PRKCA: variants seen among roughly 807,000 people sequenced by gnomAD.
PRKCA encodes the protein protein kinase C alpha type.
PRKCA carries 27 observed loss-of-function variants against 87.0 expected under a neutral mutation model. The observed-to-expected ratio is 0.31, with a 90% CI of 0.23 to 0.43. The LOEUF (loss-of-function observed/expected upper bound fraction) is 0.43, where lower values mean the gene tolerates loss of function less well. Among genes scored for constraint, PRKCA ranks in the 20% least tolerant of loss-of-function variants. PRKCA has a pLI of 1.00. For missense variants in PRKCA, 518 were observed against 852.3 expected, an observed-to-expected ratio of 0.61 and a Z score of 4.88; for synonymous variants, 329 against 311.1, an observed-to-expected ratio of 1.06 and a Z score of -0.61.
At chr17:66,378,963 C>T (rs1301234626) in intron 2 of PRKCA, among the ~76,000 whole-genome samples, 2 of 151,544 alleles carry the variant, frequency 1.3e-5, no homozygotes, top group Non-Finnish European at 2.9e-5. Flanking sequence ...TTTCACTTAG[C>T]ATTACATTTT....
rs762692185 is a variant in PRKCA, at chr17:66,688,283, ATG to A, written c.687-9_687-8del. The stretch of plus-strand genomic sequence containing the variant: ...ATGATCAAGATAACCTAGTGTTTGC[ATG>A]TGTGTGTGTCTTGTAGCAAATTGAA... On this transcript the variant is annotated splice_polypyrimidine_tract_variant and intron_variant, in intron 6 of 16. Coordinates refer to ENST00000413366, the MANE Select transcript of PRKCA (RefSeq NM_002737.3). The A allele has an allele frequency of 1.9e-6, 3 of 1,613,004 alleles. No individual in the cohort carries two copies. The highest frequency in any genetic ancestry group is 8.5e-7 in the Non-Finnish European group (1 of 1,179,514).
chr17:66,668,319 G>A (rs1185032540), intron 5 of PRKCA, among the ~76,000 whole-genome samples: 1 of 152,242 alleles, frequency 6.6e-6, no homozygotes, highest in Non-Finnish European at 1.5e-5. Context: ...AGGGTTAGCA[G>A]CTCTGCAAGC....
intron 14 of PRKCA, among the ~76,000 whole-genome samples, chr17:66,776,744 G>GT (rs1975060129): frequency 6.6e-6 from 1 of 152,186 alleles, no homozygotes; most frequent in Non-Finnish European, 1.5e-5. Context: ...TTGACTTGGG[G>GT]TTTTATGCAT....
At chr17:66,767,076 A>T (rs915317873) in intron 13 of PRKCA, among the ~76,000 whole-genome samples, 1 of 152,212 alleles carries the variant, frequency 6.6e-6, no homozygotes, top group Non-Finnish European at 1.5e-5. Flanking sequence ...TTATATCTTT[A>T]AAATAAATGT....
At chr17:66,493,920 AG>A (rs1916354373) in intron 2 of PRKCA, among the ~76,000 whole-genome samples, 1 of 152,190 alleles carries the variant, frequency 6.6e-6, no homozygotes, top group African/African-American at 2.4e-5. Flanking sequence ...GAGGCATTAT[AG>A]GCCTCAATCT....
intron 2 of PRKCA, among the ~76,000 whole-genome samples, chr17:66,445,794 C>CTT (rs367868430): frequency 6.9e-6 from 1 of 145,902 alleles, no homozygotes; most frequent in African/African-American, 2.5e-5. Flanking sequence ...GTTGGGTTCA[C>CTT]TTTTTTTTTT....
chr17:66,514,807 A>G (rs1297675038), intron 3 of PRKCA, among the ~76,000 whole-genome samples: 1 of 148,836 alleles, frequency 6.7e-6, no homozygotes, highest in African/African-American at 2.6e-5. Context: ...ATTCCATTCC[A>G]GCAGTTTCCA....
intron 14 of PRKCA, among the ~76,000 whole-genome samples, chr17:66,782,780 C>T (rs1398660256): frequency 6.6e-6 from 1 of 152,226 alleles, no homozygotes; most frequent in Non-Finnish European, 1.5e-5. Flanking sequence ...TGCCTCACTT[C>T]ACCCCTACCA....
At chr17:66,477,141 C>T (rs1915569347) in intron 2 of PRKCA, among the ~76,000 whole-genome samples, 1 of 152,066 alleles carries the variant, frequency 6.6e-6, no homozygotes. Flanking sequence ...ACTTGGGAAA[C>T]ATAAATGCCC....
intron 2 of PRKCA, among the ~76,000 whole-genome samples, chr17:66,406,359 A>C (rs893764930): frequency 6.6e-6 from 1 of 152,186 alleles, no homozygotes; most frequent in African/African-American, 2.4e-5. Flanking sequence ...AAAGTTCTTT[A>C]TAAAAAGATC....
intron 3 of PRKCA, among the ~76,000 whole-genome samples, chr17:66,563,047 C>T (rs1335543474): frequency 6.6e-6 from 1 of 151,868 alleles, no homozygotes; most frequent in Non-Finnish European, 1.5e-5. Context: ...TTTTTAGAGC[C>T]ATTGTTTTAG....
chr17:66,461,322 G>T (rs1045420965), intron 2 of PRKCA, among the ~76,000 whole-genome samples: 2 of 151,834 alleles, frequency 1.3e-5, no homozygotes, highest in Admixed American at 6.6e-5. Flanking sequence ...AAAAAAACCT[G>T]TTCTTCTAAC....
At chr17:66,589,959 C>G (rs1598798292) in intron 3 of PRKCA, among the ~76,000 whole-genome samples, 1 of 152,170 alleles carries the variant, frequency 6.6e-6, no homozygotes, top group East Asian at 1.9e-4. Context: ...AGGGTTTGTG[C>G]TCCTATGAGA....
Position 66,809,752 on chromosome 17 carries a change from A to C in PRKCA, c.*5715A>C, listed in dbSNP as rs548670661. 1 of 152,262 alleles carries C rather than the reference A, an allele frequency of 6.6e-6. No individual in the cohort carries two copies. Among genetic ancestry groups the C allele is most frequent in the East Asian group, 1.9e-4 (1 of 5,178 alleles). The allele number at this position is 152,262 out of a possible 1,614,324, so 9.4% of individuals were successfully genotyped here. A position where few individuals can be genotyped will look rare whatever the true frequency, so the allele number is the denominator to read the frequency against. On this transcript the variant is annotated 3_prime_UTR_variant, in exon 17 of 17. Transcript: ENST00000413366. ...AACTGCTTAAGGTTTAGAAACTTCC[A>C]AACCACAGGAAAGACATTTTTAGTG...
At chr17:66,437,777 G>A (rs1051721889) in intron 2 of PRKCA, among the ~76,000 whole-genome samples, 21 of 146,644 alleles carry the variant, frequency 1.4e-4, no homozygotes, top group African/African-American at 4.8e-4. Flanking sequence ...CTGGAGATTA[G>A]CAAAAATGAG....
intron 3 of PRKCA, among the ~76,000 whole-genome samples, chr17:66,550,246 A>G (rs993461963): frequency 6.6e-6 from 1 of 152,168 alleles, no homozygotes; most frequent in African/African-American, 2.4e-5. Flanking sequence ...TTCTCTCACA[A>G]AGGCTTCCCT....
intron 8 of PRKCA, among the ~76,000 whole-genome samples, chr17:66,722,418 T>C (rs911229460): frequency 4.6e-5 from 7 of 152,228 alleles, no homozygotes; most frequent in African/African-American, 1.7e-4. Flanking sequence ...GGGAGCTGAA[T>C]GTGGAGAGCT....
intron 2 of PRKCA, among the ~76,000 whole-genome samples, chr17:66,332,377 A>G (rs1906384209): frequency 1.3e-5 from 2 of 151,542 alleles, no homozygotes; most frequent in African/African-American, 4.8e-5. Flanking sequence ...ACAGGCATGT[A>G]CCACCATGGC....
rs144378304 is a variant in PRKCA at position 66,372,316 on chromosome 17, A to G, written c.205+66189A>G. Among the ~76,000 whole-genome samples, 11 of 152,312 alleles carry G rather than the reference A, an allele frequency of 7.2e-5. No homozygotes were observed. In the East Asian group the frequency reaches 2.1e-3, roughly 29 times the overall value. ...TAGAAGTCTAACTGAAATCACCTAC[A>G]AGATGTGCATGTATTACATATACCA... is the stretch of plus-strand genomic sequence containing the variant. On this transcript the variant is annotated intron_variant, in intron 2 of 16. Coordinates refer to ENST00000413366, the MANE Select transcript of PRKCA (RefSeq NM_002737.3).
Sources: gnomAD v4.1 joint callset for allele counts (sites outside exome capture counted in the v4.1 genomes callset) on GRCh38, gnomAD v4.1.1 for gene constraint, MANE v1.5 for transcripts, NCBI Gene and HGNC (gene_info 2026-07-23, HGNC 2026-07-21) for gene names.